TXNDC16: variants seen among roughly 807,000 people sequenced by gnomAD.
The protein encoded by TXNDC16 is thioredoxin domain containing 16.
TXNDC16 carries 74 observed loss-of-function variants against 85.6 expected under a neutral mutation model. The observed-to-expected ratio is 0.86, with a 90% confidence interval of 0.72 to 1.05. The LOEUF is 1.05. TXNDC16 is among the 50% of genes least tolerant of loss of function. The probability of loss-of-function intolerance (pLI) is 0.00; values close to 1 mark genes in which losing one functional copy is unlikely to be tolerated. For synonymous variants in TXNDC16, 335 were observed against 326.5 expected, an observed-to-expected ratio of 1.03 and a Z score of -0.28; for missense variants, 959 against 947.0, an observed-to-expected ratio of 1.01 and a Z score of -0.17.
chr14:52,491,085 A>G, intron 9 of TXNDC16, 80 bp from the exon 10 acceptor site: 1 of 1,451,760 alleles, frequency 6.9e-7, no homozygotes, highest in Non-Finnish European at 9.1e-7. Flanking sequence ...ATTCTTATTA[A>G]TAAAGTCATG....
intron 6 of TXNDC16, among the ~76,000 whole-genome samples, chr14:52,530,613 A>ATG (rs1219324963): frequency 1.8e-4 from 10 of 56,270 alleles, no homozygotes; most frequent in Admixed American, 3.4e-4. Flanking sequence ...TGTAGTATAT[A>ATG]TATGTGTGTG....
At chr14:52,467,179 G>A (rs895007605) in intron 16 of TXNDC16, among the ~76,000 whole-genome samples, 1 of 151,568 alleles carries the variant, frequency 6.6e-6, no homozygotes, top group Admixed American at 6.6e-5. Flanking sequence ...CACATATAGA[G>A]GAGAAAAAAA....
At chr14:52,502,407 TAC>T (rs149166937) in intron 9 of TXNDC16, among the ~76,000 whole-genome samples, 13,096 of 152,284 alleles carry the variant, frequency 0.086, 615 homozygotes, top group South Asian at 0.14. Context: ...CTCTACAAAG[TAC>T]CATTGACATT....
At chr14:52,482,460 C>T (rs1430001783) in intron 13 of TXNDC16, among the ~76,000 whole-genome samples, 171 bp from the exon 14 acceptor site, 1 of 152,016 alleles carries the variant, frequency 6.6e-6, no homozygotes, top group Non-Finnish European at 1.5e-5. Flanking sequence ...GTTTCAAATG[C>T]AACTGATTTT....
Position 52,511,349 on chromosome 14 carries a change from C to A in TXNDC16, c.647G>T (p.Cys216Phe). ...CTGGGTCAAGTCCAAGACTAGTTTA[C>A]AATGAAAAAAGTAGAGATGTGCATA... ...VEYAHLYFFHCKLVLDLTQQC... is the reference protein window; with the variant it reads ...VEYAHLYFFHFKLVLDLTQQC... Residue 216 changes from cysteine (C) to phenylalanine (F), a missense_variant, in exon 9 of 21, where the codon TGT becomes TTT. Coordinates refer to ENST00000281741, the MANE Select transcript of TXNDC16 (RefSeq NM_020784.3). 1 of 1,603,084 alleles carries A rather than the reference C, an allele frequency of 6.2e-7. No individual in the cohort carries two copies. Among genetic ancestry groups the A allele is most frequent in the South Asian group, 1.1e-5 (1 of 89,408 alleles).
chr14:52,439,765 G>A (rs548193222), intron 19 of TXNDC16, among the ~76,000 whole-genome samples: 1 of 152,210 alleles, frequency 6.6e-6, no homozygotes, highest in African/African-American at 2.4e-5. Context: ...ATAACTAGAA[G>A]ATAACAAGAT....
chr14:52,468,091 GGGA>G (rs2035818409), intron 16 of TXNDC16, among the ~76,000 whole-genome samples: 1 of 152,164 alleles, frequency 6.6e-6, no homozygotes, highest in Non-Finnish European at 1.5e-5. Context: ...ACCAGGGCCT[GGGA>G]GGAGGATGAA....
At chr14:52,458,854 T>A (rs1029201626) in intron 16 of TXNDC16, among the ~76,000 whole-genome samples, 6 of 152,222 alleles carry the variant, frequency 3.9e-5, no homozygotes, top group African/African-American at 1.4e-4. Context: ...ATATGTCTCT[T>A]AAAAAGTCTC....
chr14:52,462,912 T>C (rs886926912), intron 16 of TXNDC16: 9 of 455,628 alleles, frequency 2.0e-5, no homozygotes, highest in African/African-American at 1.2e-4. Flanking sequence ...ATTTTTATGT[T>C]GAATCTTGGC....
At chr14:52,479,121 T>G (rs1027136034) in intron 14 of TXNDC16, among the ~76,000 whole-genome samples, 1 of 152,186 alleles carries the variant, frequency 6.6e-6, no homozygotes, top group South Asian at 2.1e-4. Context: ...CATTCCTTTA[T>G]GATTAAAACT....
At chr14:52,486,299 T>C (rs2036268945) in intron 12 of TXNDC16, among the ~76,000 whole-genome samples, 4 of 150,522 alleles carry the variant, frequency 2.7e-5, no homozygotes, top group Admixed American at 2.0e-4. Flanking sequence ...TTTTTTTTTT[T>C]TTGAGACAGG....
chr14:52,487,449 T>C (rs1023626686), intron 12 of TXNDC16, among the ~76,000 whole-genome samples: 1 of 152,200 alleles, frequency 6.6e-6, no homozygotes, highest in Non-Finnish European at 1.5e-5. Flanking sequence ...CTATATATGT[T>C]ATACAAAAAT....
chr14:52,485,122 G>GT (rs2036238734), intron 12 of TXNDC16, among the ~76,000 whole-genome samples: 1 of 152,160 alleles, frequency 6.6e-6, no homozygotes, highest in African/African-American at 2.4e-5. Flanking sequence ...TACTGTCCCT[G>GT]AAGACCTTCC....
intron 4 of TXNDC16, among the ~76,000 whole-genome samples, chr14:52,539,498 T>C (rs2037779981): frequency 6.6e-6 from 1 of 152,196 alleles, no homozygotes; most frequent in Non-Finnish European, 1.5e-5. Flanking sequence ...AGTTTCTATT[T>C]GATCATAATT....
intron 16 of TXNDC16, among the ~76,000 whole-genome samples, chr14:52,469,265 T>C (rs1425097149): frequency 6.6e-6 from 1 of 151,482 alleles, no homozygotes; most frequent in African/African-American, 2.4e-5. Context: ...GAGGATTGCT[T>C]GAGCCCAGGA....
At chr14:52,446,138 C>T (rs1483404207) in intron 18 of TXNDC16, among the ~76,000 whole-genome samples, 7 of 152,150 alleles carry the variant, frequency 4.6e-5, no homozygotes, top group Admixed American at 3.9e-4. Flanking sequence ...CTGGTTTTAA[C>T]TTTATATCGC....
At chr14:52,520,709 A>G (rs1339582554) in intron 6 of TXNDC16, among the ~76,000 whole-genome samples, 3 of 152,204 alleles carry the variant, frequency 2.0e-5, no homozygotes, top group Non-Finnish European at 2.9e-5. Flanking sequence ...CCCCATGTGC[A>G]TAAGTATGTA....
intron 16 of TXNDC16, among the ~76,000 whole-genome samples, chr14:52,461,540 T>C (rs993916038): frequency 6.6e-6 from 1 of 152,232 alleles, no homozygotes; most frequent in African/African-American, 2.4e-5. Flanking sequence ...CCTTAATGTC[T>C]TTCTCAGTTG....
chr14:52,484,476 C>A (rs574459679), intron 12 of TXNDC16, among the ~76,000 whole-genome samples: 2 of 152,264 alleles, frequency 1.3e-5, no homozygotes, highest in South Asian at 4.1e-4. Flanking sequence ...TATAATAGAG[C>A]TGAGAAATTC....
Sources: gnomAD v4.1 joint callset for allele counts (sites outside exome capture counted in the v4.1 genomes callset) on GRCh38, gnomAD v4.1.1 for gene constraint, MANE v1.5 for transcripts, NCBI Gene and HGNC (gene_info 2026-07-23, HGNC 2026-07-21) for gene names.